ENTREP2: variants seen among roughly 807,000 people sequenced by gnomAD.
ENTREP2 encodes endosomal transmembrane epsin interactor 2.
the ENTREP2 span, among the ~76,000 whole-genome samples, chr15:29,339,670 ACAT>A: frequency 6.6e-6 from 1 of 152,290 alleles, no homozygotes; most frequent in Non-Finnish European, 1.5e-5. Context: ...GAGATAAATT[ACAT>A]CGTTTGACTT....
the ENTREP2 span, among the ~76,000 whole-genome samples, chr15:29,402,483 G>T: frequency 6.6e-6 from 1 of 152,008 alleles, no homozygotes; most frequent in African/African-American, 2.4e-5. Context: ...GCTGATTTTT[G>T]TATCTTTTGT....
chr15:29,646,290 A>G, the ENTREP2 span, among the ~76,000 whole-genome samples: 3,331 of 152,284 alleles, frequency 0.022, 101 homozygotes, highest in African/African-American at 0.07. Flanking sequence ...AAGGTCTCAC[A>G]AAGCTGATAT....
At chr15:29,405,628 AC>A in the ENTREP2 span, among the ~76,000 whole-genome samples, 1 of 152,196 alleles carries the variant, frequency 6.6e-6, no homozygotes, top group Non-Finnish European at 1.5e-5. Flanking sequence ...CCACGGGGCT[AC>A]GGCACCAGCA....
At chr15:29,444,238 GAA>G in the ENTREP2 span, among the ~76,000 whole-genome samples, 58 of 142,646 alleles carry the variant, frequency 4.1e-4, no homozygotes, top group African/African-American at 1.3e-3. Flanking sequence ...AAGAAAGAAA[GAA>G]AGAAAGAAAG....
chr15:29,178,051 G>A, the ENTREP2 span, among the ~76,000 whole-genome samples: 1 of 152,178 alleles, frequency 6.6e-6, no homozygotes, highest in Non-Finnish European at 1.5e-5. Flanking sequence ...CCAACACTTA[G>A]GGAGGTTGAG....
At chr15:29,353,860 G>A in the ENTREP2 span, among the ~76,000 whole-genome samples, 2 of 152,160 alleles carry the variant, frequency 1.3e-5, no homozygotes, top group Non-Finnish European at 2.9e-5. Flanking sequence ...AGTCACTTGA[G>A]GCCATACAGT....
At chr15:29,606,893 G>A in the ENTREP2 span, among the ~76,000 whole-genome samples, 1 of 151,954 alleles carries the variant, frequency 6.6e-6, no homozygotes, top group Non-Finnish European at 1.5e-5. Flanking sequence ...GAGTACAGTG[G>A]TACAACCTCA....
chr15:29,578,617 G>C, the ENTREP2 span, among the ~76,000 whole-genome samples: 1 of 152,224 alleles, frequency 6.6e-6, no homozygotes, highest in Non-Finnish European at 1.5e-5. Context: ...TGAGATTTAA[G>C]TTAGATCATG....
chr15:29,649,262 T>C, the ENTREP2 span, among the ~76,000 whole-genome samples: 1 of 152,160 alleles, frequency 6.6e-6, no homozygotes, highest in Admixed American at 6.5e-5. Flanking sequence ...GTACAAGCCA[T>C]AATAAAGAAG....
the ENTREP2 span, among the ~76,000 whole-genome samples, chr15:29,634,132 C>T: frequency 6.6e-6 from 1 of 152,082 alleles, no homozygotes; most frequent in African/African-American, 2.4e-5. Flanking sequence ...TCTTCAGATG[C>T]CCCTTCATGT....
At chr15:29,214,845 C>T in the ENTREP2 span, among the ~76,000 whole-genome samples, 6 of 152,066 alleles carry the variant, frequency 3.9e-5, no homozygotes, top group African/African-American at 1.4e-4. Flanking sequence ...TATTGAGGCT[C>T]GTTTTATGGC....
chr15:29,273,018 T>C, the ENTREP2 span, among the ~76,000 whole-genome samples: 1 of 152,076 alleles, frequency 6.6e-6, no homozygotes, highest in Non-Finnish European at 1.5e-5. Context: ...TTGAAAGGGC[T>C]GATTTCTGTT....
At chr15:29,207,340 C>T in the ENTREP2 span, among the ~76,000 whole-genome samples, 2 of 150,724 alleles carry the variant, frequency 1.3e-5, no homozygotes, top group Admixed American at 1.3e-4. Flanking sequence ...GCGAGTGTTA[C>T]AGCTCTTAAA....
chr15:29,157,447 G>C, the ENTREP2 span, among the ~76,000 whole-genome samples: 1 of 152,204 alleles, frequency 6.6e-6, no homozygotes, highest in Non-Finnish European at 1.5e-5. Flanking sequence ...CCTCAGCATA[G>C]TTTTCCTCTA....
chr15:29,380,646 G>A, the ENTREP2 span, among the ~76,000 whole-genome samples: 1 of 151,988 alleles, frequency 6.6e-6, no homozygotes, highest in Non-Finnish European at 1.5e-5. Flanking sequence ...CATCTCCCGC[G>A]TGGCCTGCTC....
At chr15:29,118,799 C>T in the ENTREP2 span, among the ~76,000 whole-genome samples, 1 of 71,150 alleles carries the variant, frequency 1.4e-5, no homozygotes, top group South Asian at 5.1e-4. Flanking sequence ...GCAGCTCTGC[C>T]AGCACTTACC....
the ENTREP2 span, among the ~76,000 whole-genome samples, chr15:29,606,866 G>A: frequency 6.6e-6 from 1 of 151,656 alleles, no homozygotes; most frequent in African/African-American, 2.4e-5. Flanking sequence ...TTCTTGCTCT[G>A]TCACCCAGGC....
At chr15:29,245,479 A>G in the ENTREP2 span, among the ~76,000 whole-genome samples, 1 of 149,982 alleles carries the variant, frequency 6.7e-6, no homozygotes, top group African/African-American at 2.4e-5. Flanking sequence ...AATAAAACCA[A>G]TGTGAGTACA....
chr15:29,366,789 C>G, the ENTREP2 span, among the ~76,000 whole-genome samples: 1 of 152,168 alleles, frequency 6.6e-6, no homozygotes, highest in African/African-American at 2.4e-5. Context: ...AAGTAGAAAA[C>G]TATTCAGCAA....
Sources: gnomAD v4.1 joint callset for allele counts (sites outside exome capture counted in the v4.1 genomes callset) on GRCh38, gnomAD v4.1.1 for gene constraint, MANE v1.5 for transcripts, NCBI Gene and HGNC (gene_info 2026-07-23, HGNC 2026-07-21) for gene names.